PPFIA2: variants seen among roughly 807,000 people sequenced by gnomAD.
PPFIA2 encodes liprin-alpha-2.
A neutral mutation model predicts 175.5 loss-of-function variants in PPFIA2; 46 were observed. That is an observed-to-expected ratio of 0.26 (90% CI 0.21 to 0.34). The LOEUF is 0.34. Ranked by LOEUF, PPFIA2 falls within the 10% of genes least tolerant of loss-of-function variation. PPFIA2 has a pLI of 1.00. For missense variants in PPFIA2, 1,179 were observed against 1,506.1 expected, an observed-to-expected ratio of 0.78 and a Z score of 3.60; for synonymous variants, 568 against 511.4, an observed-to-expected ratio of 1.11 and a Z score of -1.49.
intron 4 of PPFIA2, among the ~76,000 whole-genome samples, chr12:81,507,775 G>A (rs2147665095): frequency 6.6e-6 from 1 of 152,168 alleles, no homozygotes; most frequent in East Asian, 1.9e-4. Context: ...AAACATATTT[G>A]TCTCTCCTTT....
At chr12:81,618,163 G>A (rs1265446524) in intron 4 of PPFIA2, among the ~76,000 whole-genome samples, 3 of 152,118 alleles carry the variant, frequency 2.0e-5, no homozygotes, top group Non-Finnish European at 4.4e-5. Context: ...TCTAAACAGT[G>A]TAAAAAGGCA....
intron 4 of PPFIA2, among the ~76,000 whole-genome samples, chr12:81,642,766 A>G (rs199535589): frequency 0.1 from 432 of 4,144 alleles, 153 homozygotes; most frequent in African/African-American, 0.35. Context: ...ATACATGTAT[A>G]TGTATGTATG....
rs1473106488 is a variant in PPFIA2 at position 81,347,686 on chromosome 12, C to G, written c.2079G>C (p.Leu693=). The part of the protein sequence containing the change: ...NRVASVSLEG[L]NLARVHPGTS... ...TACCTGGGTGGACCCTTGCCAAATTCAGGCCTTCGAGGCTCACACTAGCCA... is the reference window on the plus strand; with the variant it reads ...TACCTGGGTGGACCCTTGCCAAATTGAGGCCTTCGAGGCTCACACTAGCCA... The change falls in exon 18 of 33, where the codon CTG becomes CTC. Residue 693 remains leucine (L), a synonymous_variant. Coordinates refer to ENST00000549396, the MANE Select transcript of PPFIA2 (RefSeq NM_003625.5). 1 of 1,613,906 alleles carries G rather than the reference C, an allele frequency of 6.2e-7. No homozygotes were observed.
intron 4 of PPFIA2, among the ~76,000 whole-genome samples, chr12:81,648,990 T>C (rs1423577876): frequency 6.6e-6 from 1 of 151,768 alleles, no homozygotes; most frequent in Non-Finnish European, 1.5e-5. Context: ...AGATCATAAG[T>C]CTAAATGTGA....
At chr12:81,495,203 A>T (rs1175608645) in intron 4 of PPFIA2, among the ~76,000 whole-genome samples, 1 of 152,114 alleles carries the variant, frequency 6.6e-6, no homozygotes, top group African/African-American at 2.4e-5. Flanking sequence ...CTCCTCACAC[A>T]TCTATAAATT....
chr12:81,360,441 C>A (rs1042749316), intron 15 of PPFIA2, among the ~76,000 whole-genome samples: 1 of 151,778 alleles, frequency 6.6e-6, no homozygotes, highest in South Asian at 2.1e-4. Context: ...TATTACCCAT[C>A]GCTCTGCTTC....
intron 28 of PPFIA2, 66 bp downstream of exon 28, chr12:81,277,251 G>A (rs367642426): frequency 1.5e-6 from 2 of 1,354,568 alleles, no homozygotes; most frequent in East Asian, 2.6e-5. Flanking sequence ...AACATTTTAG[G>A]TTAGTAAAAG....
intron 27 of PPFIA2, 153 bp from the exon 28 acceptor site, chr12:81,277,567 G>A (rs1343345832): frequency 1.4e-5 from 11 of 814,514 alleles, no homozygotes; most frequent in African/African-American, 1.8e-5. Context: ...GTATTGGAGG[G>A]AAATACATTT....
chr12:81,467,521 T>A (rs2055899577), intron 4 of PPFIA2, among the ~76,000 whole-genome samples: 1 of 152,140 alleles, frequency 6.6e-6, no homozygotes, highest in Non-Finnish European at 1.5e-5. Context: ...AAACCCTGTC[T>A]CCAATAAAAT....
At chr12:81,487,397 G>A (rs997805529) in intron 4 of PPFIA2, among the ~76,000 whole-genome samples, 4 of 151,818 alleles carry the variant, frequency 2.6e-5, no homozygotes, top group Non-Finnish European at 5.9e-5. Flanking sequence ...AAGTCTTACT[G>A]GGTTGTTGTG....
chr12:81,482,855 G>A (rs1354184659), intron 4 of PPFIA2, among the ~76,000 whole-genome samples: 1 of 151,948 alleles, frequency 6.6e-6, no homozygotes, highest in East Asian at 1.9e-4. Context: ...AAACCTGCAG[G>A]TTCTGCACAT....
At position 81,521,184 on chromosome 12, in the gene PPFIA2, A is replaced by G. The variant is rs557281522; in HGVS notation, c.304-63318T>C. 7.2e-5 allele frequency among the ~76,000 whole-genome samples: 11 copies of G among 152,162 alleles called. No individual in the cohort carries two copies. The East Asian group carries it at 1.9e-3, about 27-fold the overall frequency. ...ATACAATGCATTCTTGACTGTTTCT[A>G]GAAATTTCAGGAATCACGAGAAAAA... On this transcript the variant is annotated intron_variant, in intron 4 of 32. Transcript: ENST00000549396.
intron 21 of PPFIA2, among the ~76,000 whole-genome samples, chr12:81,335,645 G>A (rs2056990094): frequency 6.6e-6 from 1 of 152,040 alleles, no homozygotes; most frequent in South Asian, 2.1e-4. Flanking sequence ...TAGGGAGGTT[G>A]AGGCAGGAGA....
intron 3 of PPFIA2, among the ~76,000 whole-genome samples, chr12:81,741,290 T>C (rs2082292152): frequency 6.6e-6 from 1 of 152,364 alleles, no homozygotes; most frequent in African/African-American, 2.4e-5. Context: ...TAAGGCTCGA[T>C]GAATTATATT....
At chr12:81,315,160 G>A (rs140284326) in intron 22 of PPFIA2, among the ~76,000 whole-genome samples, 151 of 151,890 alleles carry the variant, frequency 9.9e-4, no homozygotes, top group African/African-American at 3.5e-3. Flanking sequence ...CAAGTTTGAG[G>A]AGAGTGGAGG....
chr12:81,374,626 T>A lies in PPFIA2; in HGVS notation c.1266+8A>T. 1 of 1,608,150 alleles carries A rather than the reference T, an allele frequency of 6.2e-7. No individual in the cohort carries two copies. Among genetic ancestry groups the A allele is most frequent in the Non-Finnish European group, 8.5e-7 (1 of 1,177,404 alleles). ...TATCTAGGTTGACCAGTTGTTCTAGTGCAGTACCTTGGTTAGGGCTGCAAT... is the reference window on the plus strand; with the variant it reads ...TATCTAGGTTGACCAGTTGTTCTAGAGCAGTACCTTGGTTAGGGCTGCAAT... On this transcript the variant is annotated splice_region_variant and intron_variant, in intron 11 of 32. Transcript: ENST00000549396.
rs144250292 is a variant in PPFIA2 at position 81,704,036 on chromosome 12, T to C, written c.250-27192A>G. 2.6e-5 allele frequency among the ~76,000 whole-genome samples: 4 copies of C among 152,332 alleles called. No individual in the cohort carries two copies. In the East Asian group the frequency reaches 7.7e-4, roughly 29 times the overall value. On this transcript the variant is annotated intron_variant, in intron 3 of 32. Transcript: ENST00000549396. ...GTTGTTTACCTGTTTGTTGTTTGTA[T>C]TTCTGCTAACACAAATAACACAGAC... is the stretch of plus-strand genomic sequence containing the variant.
At chr12:81,338,291 A>G (rs776073645) in intron 21 of PPFIA2, among the ~76,000 whole-genome samples, 1 of 152,106 alleles carries the variant, frequency 6.6e-6, no homozygotes, top group African/African-American at 2.4e-5. Flanking sequence ...TTCTTTCCCA[A>G]TAATATAACT....
chr12:81,435,538 G>A lies in PPFIA2; in HGVS notation c.645+4434C>T, dbSNP rs115779989. Among the ~76,000 whole-genome samples, 678 of 152,052 alleles carry A rather than the reference G, an allele frequency of 4.5e-3. 10 individuals are homozygous for A. The highest frequency in any genetic ancestry group is 0.013 in the African/African-American group (546 of 41,474). The stretch of plus-strand genomic sequence containing the variant: ...GGAGGTGATAACTCCAAACCCATCC[G>A]TGAGAATAAGACAAGTGGTGGTGGT... On this transcript the variant is annotated intron_variant, in intron 7 of 32. Transcript: ENST00000549396.
Sources: gnomAD v4.1 joint callset for allele counts (sites outside exome capture counted in the v4.1 genomes callset) on GRCh38, gnomAD v4.1.1 for gene constraint, MANE v1.5 for transcripts, NCBI Gene and HGNC (gene_info 2026-07-23, HGNC 2026-07-21) for gene names.